The following DLC1 variants were observed in gnomAD, a reference collection of about 807,000 sequenced individuals.
The protein encoded by DLC1 is rho GTPase-activating protein 7.
Under a neutral mutation model 140.3 loss-of-function variants are expected in DLC1, and 54 were observed. The observed-to-expected ratio is 0.38, with a 90% CI of 0.31 to 0.48. DLC1 has a LOEUF of 0.48. Among genes scored for constraint, DLC1 ranks in the 20% least tolerant of loss-of-function variants. The pLI, the probability that DLC1 is intolerant of heterozygous loss-of-function variation, is 0.96. For synonymous variants in DLC1, 986 were observed against 728.1 expected (o/e 1.35, Z -5.70); for missense variants, 2,536 against 1,907.0 (o/e 1.33, Z -6.14).
intron 5 of DLC1, among the ~76,000 whole-genome samples, chr8:13,263,070 C>G (rs1440815007): frequency 6.6e-6 from 1 of 152,096 alleles, no homozygotes; most frequent in Non-Finnish European, 1.5e-5. Context: ...ATTAATGCTT[C>G]CTCCACTTGA....
intron 2 of DLC1, among the ~76,000 whole-genome samples, chr8:13,439,414 T>C (rs1480587527): frequency 4.6e-5 from 7 of 152,148 alleles, no homozygotes; most frequent in African/African-American, 1.4e-4. Flanking sequence ...AGTGAGGTTC[T>C]TCCACATATT....
At chr8:13,603,395 C>G (rs1235636042) in intron 1 of DLC1, among the ~76,000 whole-genome samples, 1 of 151,440 alleles carries the variant, frequency 6.6e-6, no homozygotes, top group Admixed American at 6.6e-5. Context: ...TGATTTTTTA[C>G]TTTAATTTTT....
At chr8:13,105,588 T>A (rs1261668442) in intron 7 of DLC1, among the ~76,000 whole-genome samples, 1 of 151,516 alleles carries the variant, frequency 6.6e-6, no homozygotes, top group Non-Finnish European at 1.5e-5. Flanking sequence ...CCTTTCTTTT[T>A]CTTCTTTTTT....
intron 5 of DLC1, among the ~76,000 whole-genome samples, chr8:13,271,712 T>C (rs776761769): frequency 6.6e-6 from 1 of 152,242 alleles, no homozygotes; most frequent in Non-Finnish European, 1.5e-5. Flanking sequence ...GAAGATGAGG[T>C]CTTGCTATGT....
At chr8:13,455,338 C>G (rs1362387005) in intron 2 of DLC1, among the ~76,000 whole-genome samples, 2 of 152,180 alleles carry the variant, frequency 1.3e-5, no homozygotes, top group African/African-American at 4.8e-5. Context: ...AGATTGTACA[C>G]TTCCTCTCCT....
chr8:13,582,885 T>TAC (rs1563456639), intron 1 of DLC1, among the ~76,000 whole-genome samples: 5 of 49,316 alleles, frequency 1.0e-4, no homozygotes, highest in Non-Finnish European at 1.8e-4. Flanking sequence ...GGTCTATATA[T>TAC]ATATATATAT....
chr8:13,268,258 T>A (rs1830770965), intron 5 of DLC1, among the ~76,000 whole-genome samples: 1 of 152,202 alleles, frequency 6.6e-6, no homozygotes. Flanking sequence ...GAATGACAAG[T>A]CTTTTTGTCT....
intron 4 of DLC1, among the ~76,000 whole-genome samples, chr8:13,379,179 G>T (rs1260768874): frequency 6.6e-6 from 1 of 151,950 alleles, no homozygotes; most frequent in African/African-American, 2.4e-5. Context: ...GTATCCTTGG[G>T]GCCTGTTTCC....
At chr8:13,587,564 CACACAG>C (rs1273634362) in intron 1 of DLC1, among the ~76,000 whole-genome samples, 1 of 145,966 alleles carries the variant, frequency 6.9e-6, no homozygotes, top group Non-Finnish European at 1.5e-5. Flanking sequence ...CACACACACA[CACACAG>C]AGAGAGAGAA....
chr8:13,153,714 C>G (rs1824018248), intron 5 of DLC1, among the ~76,000 whole-genome samples: 1 of 152,118 alleles, frequency 6.6e-6, no homozygotes, highest in Non-Finnish European at 1.5e-5. Flanking sequence ...CAAGTCCCCA[C>G]TAGATTAGCT....
At chr8:13,375,994 A>G (rs1729178) in intron 4 of DLC1, among the ~76,000 whole-genome samples, 77,171 of 151,954 alleles carry the variant, frequency 0.51, 20,027 homozygotes, top group East Asian at 0.81. Context: ...TTTTCTCCTA[A>G]TATTTTCACA....
chr8:13,570,693 G>C (rs994739137), intron 1 of DLC1, among the ~76,000 whole-genome samples: 1 of 151,812 alleles, frequency 6.6e-6, no homozygotes, highest in African/African-American at 2.4e-5. Context: ...TCCAGTCTAT[G>C]ATTGTTGGAC....
intron 1 of DLC1, among the ~76,000 whole-genome samples, chr8:13,597,234 T>G (rs1028178470): frequency 3.3e-5 from 5 of 152,012 alleles, no homozygotes; most frequent in Non-Finnish European, 5.9e-5. Flanking sequence ...GAAAGATGGA[T>G]AGATTTGTCA....
intron 5 of DLC1, among the ~76,000 whole-genome samples, chr8:13,144,082 G>C (rs562373837): frequency 6.6e-6 from 1 of 152,126 alleles, no homozygotes. Flanking sequence ...CTTTATGAGG[G>C]TGGTTCTGAA....
chr8:13,451,437 C>T (rs1211033752), intron 2 of DLC1, among the ~76,000 whole-genome samples: 1 of 152,084 alleles, frequency 6.6e-6, no homozygotes, highest in Non-Finnish European at 1.5e-5. Context: ...TGTAGTCTCC[C>T]TGTTGTGCTA....
intron 16 of DLC1, among the ~76,000 whole-genome samples, chr8:13,087,845 G>A (rs1817696761): frequency 1.3e-5 from 2 of 152,084 alleles, no homozygotes; most frequent in Non-Finnish European, 2.9e-5. Flanking sequence ...CATCTCCCTT[G>A]GGACTCAAAT....
chr8:13,438,351 G>T (rs1360393483), intron 2 of DLC1, among the ~76,000 whole-genome samples: 1 of 152,222 alleles, frequency 6.6e-6, no homozygotes, highest in East Asian at 1.9e-4. Context: ...GTAAGCTAAT[G>T]ATAGGATAAA....
intron 3 of DLC1, among the ~76,000 whole-genome samples, chr8:13,398,435 G>A (rs1837148094): frequency 6.6e-6 from 1 of 151,954 alleles, no homozygotes; most frequent in African/African-American, 2.4e-5. Flanking sequence ...TAAGAGAAAG[G>A]ATGGGGAGAA....
At chr8:13,467,006 CTTAT>C (rs1240377492) in intron 2 of DLC1, among the ~76,000 whole-genome samples, 3 of 151,590 alleles carry the variant, frequency 2.0e-5, no homozygotes, top group African/African-American at 7.3e-5. Flanking sequence ...TATCCCTCTA[CTTAT>C]TTTAGATCTT....
Sources: allele counts gnomAD v4.1 joint callset (sites outside exome capture counted in the v4.1 genomes callset), GRCh38; gene constraint gnomAD v4.1.1; transcripts MANE v1.5; gene names NCBI Gene and HGNC (gene_info 2026-07-23, HGNC 2026-07-21).